TMEM63C: variants seen among roughly 807,000 people sequenced by gnomAD.
TMEM63C encodes the protein transmembrane protein 63C.
TMEM63C carries 32 observed loss-of-function variants against 99.2 expected under a neutral mutation model. The ratio of observed to expected loss-of-function variants is 0.32; its 90% CI spans 0.24 to 0.43. The LOEUF is 0.43. TMEM63C is among the 20% of genes least tolerant of loss of function. The pLI is 1.00. For synonymous variants in TMEM63C, 376 were observed against 397.9 expected (o/e 0.94, Z 0.66); for missense variants, 826 against 1,053.0 (o/e 0.78, Z 2.98).
intron 1 of TMEM63C, among the ~76,000 whole-genome samples, 193 bp from the exon 2 acceptor site, chr14:77,213,253 A>G (rs1888522041): frequency 6.6e-6 from 1 of 152,172 alleles, no homozygotes; most frequent in Non-Finnish European, 1.5e-5. Context: ...TTACACTTCA[A>G]AAGACACCAT....
At position 77,256,747 on chromosome 14, in the gene TMEM63C, T is replaced by C; in HGVS notation, c.*21T>C. The C allele has an allele frequency of 6.2e-7, 1 of 1,610,554 alleles. No homozygotes were observed. Among genetic ancestry groups the C allele is most frequent in the Non-Finnish European group, 8.5e-7 (1 of 1,177,476 alleles). ...ACTGACCGGGACCTGAGGCCTCCAC[T>C]GGCGACTTGTTGAGGGGTCAGGGGA... On this transcript the variant is annotated 3_prime_UTR_variant, in exon 24 of 24. Coordinates refer to ENST00000298351, the MANE Select transcript of TMEM63C (RefSeq NM_020431.4).
rs1032581481 is a variant in TMEM63C at position 77,211,195 on chromosome 14, A to G, written c.-76-2251A>G. ...CCCCTTCCTCTGCCCCCTGCTCAGCATGTCCAGAGCAGCAGAGGCTCAGGG... is the reference window on the plus strand; with the variant it reads ...CCCCTTCCTCTGCCCCCTGCTCAGCGTGTCCAGAGCAGCAGAGGCTCAGGG... On this transcript the variant is annotated intron_variant, in intron 1 of 23. Coordinates refer to ENST00000298351, the MANE Select transcript of TMEM63C (RefSeq NM_020431.4). Among the ~76,000 whole-genome samples the G allele has an allele frequency of 3.3e-5, 5 of 152,194 alleles. No homozygotes were observed. The South Asian group carries it at 1.0e-3, about 32-fold the overall frequency.
chr14:77,251,322 GAT>G (rs1415284899), intron 21 of TMEM63C, among the ~76,000 whole-genome samples: 4 of 152,308 alleles, frequency 2.6e-5, no homozygotes, highest in African/African-American at 9.6e-5. Context: ...GTAAAAAAGG[GAT>G]CAAATATTCC....
At chr14:77,202,990 T>A (rs1888328481) in intron 1 of TMEM63C, among the ~76,000 whole-genome samples, 1 of 152,228 alleles carries the variant, frequency 6.6e-6, no homozygotes, top group African/African-American at 2.4e-5. Flanking sequence ...ACATCCTTAT[T>A]ACAACACTTA....
chr14:77,203,213 A>G (rs1049139543), intron 1 of TMEM63C, among the ~76,000 whole-genome samples: 6 of 151,936 alleles, frequency 3.9e-5, no homozygotes, highest in African/African-American at 1.5e-4. Context: ...CCCTGTCTCT[A>G]CTAAAAATAC....
chr14:77,253,324 A>G lies in TMEM63C; in HGVS notation c.2168A>G (p.Gln723Arg). The change falls in exon 23 of 24, where the codon CAG (glutamine) becomes CGG (arginine). Residue 723 changes from glutamine to arginine, a missense_variant. Physicochemically the swap from Gln to Arg is conservative, Grantham distance 43. Coordinates refer to ENST00000298351, the MANE Select transcript of TMEM63C (RefSeq NM_020431.4). The part of the protein sequence containing the change: ...ADYEPEEEEI[Q>R]TVFDMEPSST... ...CTGCAGCCCGAGGAGGAGGAGATCCAGACAGTGTTTGACATGGAGCCAAGC... is the reference window on the plus strand; with the variant it reads ...CTGCAGCCCGAGGAGGAGGAGATCCGGACAGTGTTTGACATGGAGCCAAGC... The G allele has an allele frequency of 6.2e-7, 1 of 1,613,204 alleles. No individual in the cohort carries two copies. The highest frequency in any genetic ancestry group is 2.2e-5 in the East Asian group (1 of 44,876).
chr14:77,251,741 A>C, intron 21 of TMEM63C, 48 bp from the exon 22 acceptor site: 1 of 1,517,692 alleles, frequency 6.6e-7, no homozygotes. Flanking sequence ...TTGGGGTGGC[A>C]TCTCGGCTGG....
chr14:77,187,320 G>A (rs536457639), intron 1 of TMEM63C, among the ~76,000 whole-genome samples: 1 of 152,242 alleles, frequency 6.6e-6, no homozygotes, highest in Non-Finnish European at 1.5e-5. Flanking sequence ...GGAAGAGAAG[G>A]TCGTGCGTTT....
chr14:77,243,024 T>C lies in TMEM63C; in HGVS notation c.1309T>C (p.Tyr437His). ...PAIIMNTIDMYNVTRPIEKLQ... is the reference protein window; with the variant it reads ...PAIIMNTIDMHNVTRPIEKLQ... ...CATCATCATGAACACTATCGACATG[T>C]ACAACGTCACCCGCCCCATCGAGAA... The change falls in exon 15 of 24, where the codon TAC becomes CAC. Residue 437 changes from tyrosine to histidine, a missense_variant. Coordinates refer to ENST00000298351, the MANE Select transcript of TMEM63C (RefSeq NM_020431.4). 6.2e-7 allele frequency: 1 copy of C among 1,613,896 alleles called. No individual in the cohort carries two copies. The highest frequency in any genetic ancestry group is 8.5e-7 in the Non-Finnish European group (1 of 1,179,886).
At chr14:77,210,436 T>C (rs924969972) in intron 1 of TMEM63C, among the ~76,000 whole-genome samples, 29 of 151,952 alleles carry the variant, frequency 1.9e-4, no homozygotes, top group African/African-American at 6.0e-4. Context: ...TTGTGAAGAG[T>C]TGAGGAGTTT....
intron 6 of TMEM63C, among the ~76,000 whole-genome samples, chr14:77,226,099 C>T (rs1441958617): frequency 1.3e-5 from 2 of 152,230 alleles, no homozygotes; most frequent in Non-Finnish European, 2.9e-5. Flanking sequence ...CGTAGGCATA[C>T]ACACATGCAC....
rs1888644248 is a variant in TMEM63C, at chr14:77,219,060, C to A, written c.150+97C>A. On this transcript the variant is annotated intron_variant, in intron 3 of 23. Transcript: ENST00000298351. ...TGGGGGACCCAGTTGTCCAAATGGA[C>A]AACAACAACATTGATACAAACTGCC... The A allele has an allele frequency of 6.2e-6, 8 of 1,298,670 alleles. No individual in the cohort carries two copies. The Admixed American group carries it at 2.5e-4, about 40-fold the overall frequency. The allele number at this position is 1,298,670 out of a possible 1,614,324, so 80.4% of individuals were successfully genotyped here.
chr14:77,212,629 A>G (rs1410459001), intron 1 of TMEM63C, among the ~76,000 whole-genome samples: 1 of 152,224 alleles, frequency 6.6e-6, no homozygotes. Flanking sequence ...GAAGGGATGC[A>G]GAGAAAAGGC....
chr14:77,223,922 A>T (rs1258833236), intron 5 of TMEM63C, among the ~76,000 whole-genome samples: 6 of 152,004 alleles, frequency 3.9e-5, no homozygotes, highest in Non-Finnish European at 7.4e-5. Flanking sequence ...AGCCATGGAG[A>T]CAGACTCTTC....
intron 1 of TMEM63C, among the ~76,000 whole-genome samples, chr14:77,211,435 A>G (rs1888495914): frequency 6.6e-6 from 1 of 152,212 alleles, no homozygotes; most frequent in African/African-American, 2.4e-5. Flanking sequence ...AATAGAAAAT[A>G]TTTAGCTCAT....
intron 1 of TMEM63C, among the ~76,000 whole-genome samples, chr14:77,192,887 G>A (rs1888134776): frequency 6.6e-6 from 1 of 152,030 alleles, no homozygotes. Flanking sequence ...CAGGAGGAAG[G>A]AGAAGAAGAA....
intron 2 of TMEM63C, among the ~76,000 whole-genome samples, chr14:77,216,264 C>G (rs1343606170): frequency 6.6e-6 from 1 of 152,112 alleles, no homozygotes; most frequent in Non-Finnish European, 1.5e-5. Context: ...TGCTTTTCCT[C>G]CTTCCTCACT....
chr14:77,215,404 C>A (rs533627651), intron 2 of TMEM63C, among the ~76,000 whole-genome samples: 154 of 151,836 alleles, frequency 1.0e-3, no homozygotes, highest in Non-Finnish European at 1.9e-3. Context: ...AGTTTGAGAC[C>A]AGCCTGGCCA....
At chr14:77,221,840 C>T (rs1295655550) in intron 5 of TMEM63C, among the ~76,000 whole-genome samples, 1 of 151,488 alleles carries the variant, frequency 6.6e-6, no homozygotes, top group Non-Finnish European at 1.5e-5. Flanking sequence ...AAACGTCTGA[C>T]CCTGTAGACC....
Sources: allele counts gnomAD v4.1 joint callset (sites outside exome capture counted in the v4.1 genomes callset), GRCh38; gene constraint gnomAD v4.1.1; transcripts MANE v1.5; gene names NCBI Gene and HGNC (gene_info 2026-07-23, HGNC 2026-07-21).